Variants in MAGI2 observed in about 807,000 individuals in gnomAD.
The protein encoded by MAGI2 is membrane-associated guanylate kinase, WW and PDZ domain-containing protein 2.
A neutral mutation model predicts 133.3 loss-of-function variants in MAGI2; 35 were observed. The observed-to-expected ratio is 0.26, with a 90% confidence interval of 0.20 to 0.35. MAGI2 has a LOEUF of 0.35. MAGI2 is among the 10% of genes least tolerant of loss of function. The probability of loss-of-function intolerance (pLI) is 1.00; values close to 1 mark genes in which losing one functional copy is unlikely to be tolerated. For missense variants in MAGI2, 1,636 were observed against 1,863.4 expected (o/e 0.88, Z 2.25); for synonymous variants, 729 against 710.6 (o/e 1.03, Z -0.41).
chr7:79,386,920 G>A (rs1368598122), intron 1 of MAGI2, among the ~76,000 whole-genome samples: 1 of 151,986 alleles, frequency 6.6e-6, no homozygotes. Flanking sequence ...CAGAGAGTAA[G>A]CCCTCACCAG....
At chr7:79,387,410 T>C (rs1051116941) in intron 1 of MAGI2, among the ~76,000 whole-genome samples, 1 of 152,100 alleles carries the variant, frequency 6.6e-6, no homozygotes, top group African/African-American at 2.4e-5. Context: ...GTATTGCAAC[T>C]TGTTACACTA....
chr7:79,171,764 ATATATAT>A (rs1393648903), intron 1 of MAGI2, among the ~76,000 whole-genome samples: 18 of 24,786 alleles, frequency 7.3e-4, no homozygotes, highest in Admixed American at 1.1e-3. Flanking sequence ...ATATATATAT[ATATATAT>A]TTTTTTTTTT....
chr7:79,396,547 A>G (rs913192126), intron 1 of MAGI2, among the ~76,000 whole-genome samples: 5 of 152,164 alleles, frequency 3.3e-5, no homozygotes, highest in African/African-American at 1.2e-4. Flanking sequence ...ACTGAGAAAC[A>G]AGAGGCTCTG....
At chr7:78,808,323 C>A (rs1413463974) in intron 2 of MAGI2, among the ~76,000 whole-genome samples, 3 of 152,124 alleles carry the variant, frequency 2.0e-5, no homozygotes, top group African/African-American at 7.2e-5. Flanking sequence ...GTGGCATGAT[C>A]TCGGCTCACT....
chr7:78,480,102 A>G (rs1792197796), intron 6 of MAGI2, among the ~76,000 whole-genome samples: 1 of 151,932 alleles, frequency 6.6e-6, no homozygotes, highest in African/African-American at 2.4e-5. Flanking sequence ...GCAATGAACC[A>G]ATTCCTATAA....
At chr7:78,281,674 G>C (rs1282168439) in intron 9 of MAGI2, among the ~76,000 whole-genome samples, 1 of 152,008 alleles carries the variant, frequency 6.6e-6, no homozygotes, top group African/African-American at 2.4e-5. Flanking sequence ...GTAGAGTCTG[G>C]CAGCATAGTG....
intron 1 of MAGI2, among the ~76,000 whole-genome samples, chr7:79,150,997 G>C (rs1041505299): frequency 5.3e-5 from 8 of 151,866 alleles, no homozygotes; most frequent in Non-Finnish European, 1.0e-4. Flanking sequence ...TTGTTTGTTT[G>C]TTTTGTTTTG....
intron 6 of MAGI2, among the ~76,000 whole-genome samples, chr7:78,409,980 C>T (rs959095721): frequency 6.6e-6 from 1 of 151,850 alleles, no homozygotes; most frequent in East Asian, 1.9e-4. Context: ...GTGTACTGCG[C>T]CCTGCTGTGC....
intron 2 of MAGI2, chr7:78,940,468 A>G (rs931575093): frequency 6.6e-6 from 1 of 152,178 alleles, no homozygotes; most frequent in Non-Finnish European, 1.5e-5. Flanking sequence ...GGGCACATTT[A>G]CTGTCATATT....
At chr7:78,484,112 T>C (rs1449790847) in intron 6 of MAGI2, 2 of 151,956 alleles carry the variant, frequency 1.3e-5, no homozygotes, top group Non-Finnish European at 2.9e-5. Flanking sequence ...CAATGTAATT[T>C]AGAAACAGAA....
intron 2 of MAGI2, among the ~76,000 whole-genome samples, chr7:78,859,179 T>C (rs972265753): frequency 1.1e-4 from 16 of 152,192 alleles, no homozygotes; most frequent in African/African-American, 3.4e-4. Context: ...CTGATGGGTA[T>C]TCACTCTTTA....
At chr7:78,576,143 T>G (rs143520325) in intron 3 of MAGI2, among the ~76,000 whole-genome samples, 11,216 of 110,846 alleles carry the variant, frequency 0.1, 560 homozygotes, top group Middle Eastern at 0.18. Flanking sequence ...ATTCAGGGCT[T>G]TATTTCTGAA....
intron 1 of MAGI2, among the ~76,000 whole-genome samples, chr7:79,031,575 A>G (rs1810579232): frequency 6.6e-6 from 1 of 152,198 alleles, no homozygotes; most frequent in Admixed American, 6.5e-5. Flanking sequence ...GCAATTAGCA[A>G]GTATTCTAAA....
intron 2 of MAGI2, among the ~76,000 whole-genome samples, chr7:78,967,803 T>A (rs1584528862): frequency 6.6e-6 from 1 of 152,066 alleles, no homozygotes; most frequent in East Asian, 1.9e-4. Flanking sequence ...CTGGTTTTTA[T>A]GACTATCCTT....
At chr7:78,040,771 C>G (rs942213972) in intron 21 of MAGI2, among the ~76,000 whole-genome samples, 2 of 152,178 alleles carry the variant, frequency 1.3e-5, no homozygotes, top group African/African-American at 4.8e-5. Context: ...ACATCATTCT[C>G]TATTCATTAC....
At chr7:78,192,258 T>G (rs554781012) in intron 12 of MAGI2, among the ~76,000 whole-genome samples, 14 of 152,198 alleles carry the variant, frequency 9.2e-5, no homozygotes, top group Admixed American at 9.2e-4. Flanking sequence ...CAAGAATAAA[T>G]AGAGCCAAAC....
In MAGI2 at chr7:78,436,278, C is replaced by T. The variant is rs192343163; in HGVS notation, c.1045+53483G>A. On this transcript the variant is annotated intron_variant, in intron 6 of 21. Coordinates refer to ENST00000354212, the MANE Select transcript of MAGI2 (RefSeq NM_012301.4). ...AATAGTAACCCAATTAAACAATTCC[C>T]GAGAAAGCCAGGAGCAATGAAGTGA... Among the ~76,000 whole-genome samples the T allele has an allele frequency of 6.0e-3, 915 of 152,138 alleles. 4 individuals carry two copies. Among genetic ancestry groups the T allele is most frequent in the Middle Eastern group, 0.01 (3 of 294 alleles).
At chr7:78,132,439 T>C (rs1821657585) in intron 18 of MAGI2, among the ~76,000 whole-genome samples, 1 of 152,256 alleles carries the variant, frequency 6.6e-6, no homozygotes, top group Admixed American at 6.5e-5. Flanking sequence ...AAACATTAAG[T>C]AAGCATGCTT....
At chr7:78,932,658 A>G (rs1215584619) in intron 2 of MAGI2, among the ~76,000 whole-genome samples, 4 of 152,132 alleles carry the variant, frequency 2.6e-5, no homozygotes, top group Non-Finnish European at 5.9e-5. Context: ...CTGAAAATTG[A>G]AGGAAACTAT....
Sources: gnomAD v4.1 joint callset for allele counts (sites outside exome capture counted in the v4.1 genomes callset) on GRCh38, gnomAD v4.1.1 for gene constraint, MANE v1.5 for transcripts, NCBI Gene and HGNC (gene_info 2026-07-23, HGNC 2026-07-21) for gene names.